Variants in HNRNPC observed in about 807,000 individuals in gnomAD.
HNRNPC encodes heterogeneous nuclear ribonucleoprotein C.
Under a neutral mutation model 33.2 loss-of-function variants are expected in HNRNPC, and 3 were observed. That is an observed-to-expected ratio of 0.09 (90% CI 0.04 to 0.23). The LOEUF is 0.23. Ranked by LOEUF, HNRNPC falls within the 10% of genes least tolerant of loss-of-function variation. HNRNPC has a pLI of 1.00. For synonymous variants in HNRNPC, 121 were observed against 126.7 expected (o/e 0.96, Z 0.30); for missense variants, 143 against 366.7 (o/e 0.39, Z 4.98).
At chr14:21,246,304 A>G (rs969958231) in intron 2 of HNRNPC, among the ~76,000 whole-genome samples, 16 of 152,186 alleles carry the variant, frequency 1.1e-4, no homozygotes, top group African/African-American at 3.6e-4. Context: ...TCATGCCTAT[A>G]ATCCCAGCAC....
At chr14:21,212,044 G>A in intron 6 of HNRNPC, 121 bp from the exon 7 acceptor site, 1 of 744,336 alleles carries the variant, frequency 1.3e-6, no homozygotes, top group Non-Finnish European at 2.3e-6. Flanking sequence ...AACAGAGCCA[G>A]TACAGATTTC....
chr14:21,212,824 T>A (rs1891764713), intron 6 of HNRNPC, 136 bp downstream of exon 6: 2 of 1,128,060 alleles, frequency 1.8e-6, no homozygotes, highest in Non-Finnish European at 2.6e-6. Flanking sequence ...ATTACAGGCA[T>A]GAGCCACCAC....
chr14:21,216,949 C>T (rs1026606883), intron 5 of HNRNPC, among the ~76,000 whole-genome samples: 1 of 152,196 alleles, frequency 6.6e-6, no homozygotes, highest in African/African-American at 2.4e-5. Flanking sequence ...CGTACTATCA[C>T]TGGAATTTCC....
intron 2 of HNRNPC, among the ~76,000 whole-genome samples, chr14:21,254,914 T>A (rs1222924016): frequency 2.1e-5 from 3 of 144,318 alleles, no homozygotes; most frequent in African/African-American, 8.0e-5. Flanking sequence ...AGAGCGAGAC[T>A]CTAGTCTCAA....
intron 5 of HNRNPC, among the ~76,000 whole-genome samples, chr14:21,219,934 CCT>C (rs1482930014): frequency 6.6e-6 from 1 of 152,206 alleles, no homozygotes; most frequent in Admixed American, 6.5e-5. Flanking sequence ...ACATCTGATT[CCT>C]CTCTCAAGCC....
chr14:21,241,100 C>G (rs1262591018), intron 2 of HNRNPC, among the ~76,000 whole-genome samples: 1 of 151,956 alleles, frequency 6.6e-6, no homozygotes, highest in Admixed American at 6.6e-5. Context: ...GAAACCCTGT[C>G]TCTACTAAAG....
intron 2 of HNRNPC, among the ~76,000 whole-genome samples, chr14:21,249,593 C>CAAA (rs756880620): frequency 0.028 from 2,337 of 83,410 alleles, 102 homozygotes; most frequent in African/African-American, 0.093. Flanking sequence ...GTCTCAAAAA[C>CAAA]AAAAAAAAAA....
At chr14:21,232,102 G>A (rs189864961) in intron 3 of HNRNPC, among the ~76,000 whole-genome samples, 4 of 152,164 alleles carry the variant, frequency 2.6e-5, no homozygotes, top group Admixed American at 1.3e-4. Flanking sequence ...AACAACCCTG[G>A]TTTTCAAATA....
At chr14:21,267,866 T>C (rs1879276732) in intron 1 of HNRNPC, among the ~76,000 whole-genome samples, 1 of 152,220 alleles carries the variant, frequency 6.6e-6, no homozygotes, top group South Asian at 2.1e-4. Context: ...ATTTCCCATT[T>C]TTACCCTAAC....
At chr14:21,226,338 A>G (rs1459897042) in intron 5 of HNRNPC, among the ~76,000 whole-genome samples, 1 of 151,660 alleles carries the variant, frequency 6.6e-6, no homozygotes, top group Non-Finnish European at 1.5e-5. Context: ...AAAAAAAAAA[A>G]AAAAAAAGAA....
chr14:21,256,403 C>T (rs994042127), intron 2 of HNRNPC, among the ~76,000 whole-genome samples: 3 of 151,838 alleles, frequency 2.0e-5, no homozygotes, highest in Non-Finnish European at 4.4e-5. Context: ...GAGCCGAGCT[C>T]GCACCACTGC....
At chr14:21,217,510 A>G (rs1400373167) in intron 5 of HNRNPC, among the ~76,000 whole-genome samples, 8 of 152,224 alleles carry the variant, frequency 5.3e-5, no homozygotes, top group Non-Finnish European at 1.2e-4. Context: ...TCTGGTAATT[A>G]AGGGGGAAAA....
At chr14:21,260,022 A>C (rs1299865343) in intron 2 of HNRNPC, among the ~76,000 whole-genome samples, 3 of 149,368 alleles carry the variant, frequency 2.0e-5, no homozygotes, top group African/African-American at 5.0e-5. Flanking sequence ...AAACGGTGAA[A>C]CCCCGTCTCT....
intron 2 of HNRNPC, among the ~76,000 whole-genome samples, chr14:21,261,210 C>T (rs1346819347): frequency 1.3e-5 from 2 of 152,168 alleles, no homozygotes; most frequent in South Asian, 2.1e-4. Context: ...ATGTGTCTCC[C>T]TCACTAAGCT....
intron 4 of HNRNPC, chr14:21,230,706 TGTATAA>T (rs1357418955): frequency 2.1e-6 from 1 of 482,080 alleles, no homozygotes; most frequent in Non-Finnish European, 3.6e-6. Flanking sequence ...TCAACGATCC[TGTATAA>T]GTATTTCAGG....
At chr14:21,245,745 T>C (rs547900058) in intron 2 of HNRNPC, among the ~76,000 whole-genome samples, 2 of 152,300 alleles carry the variant, frequency 1.3e-5, no homozygotes, top group African/African-American at 4.8e-5. Context: ...CATTTTTACT[T>C]TGAAAAAACT....
At chr14:21,256,378 G>A (rs755981843) in intron 2 of HNRNPC, among the ~76,000 whole-genome samples, 3 of 151,954 alleles carry the variant, frequency 2.0e-5, no homozygotes, top group Non-Finnish European at 4.4e-5. Flanking sequence ...GAACCCGGGA[G>A]GCAGAGGTTG....
chr14:21,239,553 T>A (rs1895114353), intron 2 of HNRNPC, among the ~76,000 whole-genome samples: 1 of 151,834 alleles, frequency 6.6e-6, no homozygotes, highest in Non-Finnish European at 1.5e-5. Context: ...CATGAAAAGC[T>A]CTGTCATGAA....
At chr14:21,265,296 T>C (rs1453451262) in intron 1 of HNRNPC, 1 of 152,150 alleles carries the variant, frequency 6.6e-6, no homozygotes, top group Non-Finnish European at 1.5e-5. Flanking sequence ...CCAAACCTGG[T>C]AATCAATTTT....
Sources: gnomAD v4.1 joint callset for allele counts (sites outside exome capture counted in the v4.1 genomes callset) on GRCh38, gnomAD v4.1.1 for gene constraint, MANE v1.5 for transcripts, NCBI Gene and HGNC (gene_info 2026-07-23, HGNC 2026-07-21) for gene names.